Variants in SPMAP2 observed in about 807,000 individuals in gnomAD.
SPMAP2 encodes sperm microtubule associated protein 2.
the SPMAP2 span, chr19:362,390 C>G: frequency 6.2e-7 from 1 of 1,608,184 alleles, no homozygotes; most frequent in Non-Finnish European, 8.5e-7. Context: ...GCGAGGATCT[C>G]GGTCAGGAAC....
chr19:372,751 A>G, the SPMAP2 span: 133 of 1,572,218 alleles, frequency 8.5e-5, no homozygotes, highest in Non-Finnish European at 1.1e-4. Context: ...AACACCCTGC[A>G]GTTCCCAGGG....
At chr19:370,245 T>TA in the SPMAP2 span, among the ~76,000 whole-genome samples, 1 of 152,220 alleles carries the variant, frequency 6.6e-6, no homozygotes, top group Non-Finnish European at 1.5e-5. Context: ...TTTTAAAAGT[T>TA]ACATATACCC....
At chr19:372,097 G>T in the SPMAP2 span, among the ~76,000 whole-genome samples, 1 of 152,362 alleles carries the variant, frequency 6.6e-6, no homozygotes, top group Non-Finnish European at 1.5e-5. Context: ...CCACATCAAC[G>T]TCTGTGTCAG....
the SPMAP2 span, chr19:371,177 TGA>T: frequency 1.5e-6 from 2 of 1,328,178 alleles, no homozygotes; most frequent in South Asian, 3.5e-5. Flanking sequence ...CTGGCGGGGG[TGA>T]GTCGCGGGGG....
chr19:364,315 T>C, the SPMAP2 span, among the ~76,000 whole-genome samples: 2,348 of 120,382 alleles, frequency 0.02, 28 homozygotes, highest in Admixed American at 0.036. Flanking sequence ...CCAGCCTGGG[T>C]GACAGAGCGA....
chr19:364,194 G>A, the SPMAP2 span, among the ~76,000 whole-genome samples: 29 of 150,608 alleles, frequency 1.9e-4, no homozygotes, highest in African/African-American at 3.7e-4. Context: ...AAAATTAGCC[G>A]GGCGTGGTGG....
chr19:375,610 G>A, the SPMAP2 span: 1 of 1,469,280 alleles, frequency 6.8e-7, no homozygotes, highest in Non-Finnish European at 9.0e-7. Flanking sequence ...CCCACTGCCA[G>A]GGGCTGAGCC....
chr19:361,885 G>A, the SPMAP2 span: 12 of 173,872 alleles, frequency 6.9e-5, no homozygotes, highest in Non-Finnish European at 1.4e-4. Flanking sequence ...CGACGGTCCC[G>A]TGGCCCCTCA....
At chr19:374,879 C>T in the SPMAP2 span, among the ~76,000 whole-genome samples, 1 of 152,240 alleles carries the variant, frequency 6.6e-6, no homozygotes, top group Non-Finnish European at 1.5e-5. Flanking sequence ...GGTGAAGATG[C>T]CAAATGCCAG....
At chr19:369,869 T>C in the SPMAP2 span, among the ~76,000 whole-genome samples, 3 of 152,312 alleles carry the variant, frequency 2.0e-5, no homozygotes, top group East Asian at 5.8e-4. Context: ...ATCACAATAG[T>C]GGAATATCAT....
the SPMAP2 span, among the ~76,000 whole-genome samples, chr19:367,768 A>G: frequency 2.0e-5 from 3 of 152,072 alleles, no homozygotes; most frequent in Admixed American, 6.6e-5. Context: ...CTTAGTTACC[A>G]CACACACACC....
At chr19:368,553 G>A in the SPMAP2 span, among the ~76,000 whole-genome samples, 13 of 152,124 alleles carry the variant, frequency 8.5e-5, no homozygotes, top group African/African-American at 1.2e-4. This position sits in a 1 kb window ranked among gnomAD's most constrained non-coding sequence, Gnocchi z 4.1. Context: ...GCCGACCCAC[G>A]CCTAACTGGA....
At chr19:363,917 G>A in the SPMAP2 span, among the ~76,000 whole-genome samples, 11 of 152,024 alleles carry the variant, frequency 7.2e-5, no homozygotes, top group African/African-American at 2.7e-4. Context: ...GCCTCCACCT[G>A]ACTTGAACTG....
At chr19:368,927 GC>G in the SPMAP2 span, among the ~76,000 whole-genome samples, 2 of 152,202 alleles carry the variant, frequency 1.3e-5, no homozygotes, top group Non-Finnish European at 2.9e-5. The surrounding 1 kb of genome is among the most constrained non-coding windows in gnomAD (Gnocchi z 4.1). Flanking sequence ...TCCTGGAGGG[GC>G]AGGCCCTGAT....
chr19:366,142 A>C, the SPMAP2 span, among the ~76,000 whole-genome samples: 1 of 151,904 alleles, frequency 6.6e-6, no homozygotes, highest in Non-Finnish European at 1.5e-5. Flanking sequence ...TCCATCTCAA[A>C]AAAAAAAAAG....
At chr19:372,561 G>T in the SPMAP2 span, 1 of 1,508,988 alleles carries the variant, frequency 6.6e-7, no homozygotes, top group Non-Finnish European at 9.2e-7. Flanking sequence ...ACAGCATCCT[G>T]TCAGGCGAGA....
At chr19:372,392 T>G in the SPMAP2 span, among the ~76,000 whole-genome samples, 4 of 152,228 alleles carry the variant, frequency 2.6e-5, no homozygotes, top group Non-Finnish European at 5.9e-5. Flanking sequence ...ACGGGTGCCC[T>G]CCACCACCAT....
chr19:375,255 G>A, the SPMAP2 span, among the ~76,000 whole-genome samples: 9 of 152,228 alleles, frequency 5.9e-5, no homozygotes, highest in East Asian at 5.8e-4. Context: ...TTTTAGCCAC[G>A]TGTGGTGCTT....
the SPMAP2 span, among the ~76,000 whole-genome samples, chr19:367,510 A>C: frequency 7.3e-4 from 111 of 152,354 alleles, no homozygotes; most frequent in African/African-American, 2.6e-3. Flanking sequence ...AATTGTTGGC[A>C]AATGTAAATT....
Sources: gnomAD v4.1 joint callset for allele counts (sites outside exome capture counted in the v4.1 genomes callset) on GRCh38, gnomAD v4.1.1 for gene constraint, Gnocchi (gnomAD v3.1) non-coding constraint, MANE v1.5 for transcripts, NCBI Gene and HGNC (gene_info 2026-07-23, HGNC 2026-07-21) for gene names.